NMRAL1: variants seen among roughly 807,000 people sequenced by gnomAD.
The protein encoded by NMRAL1 is nmrA-like family domain-containing protein 1.
In NMRAL1, 32 loss-of-function variants were observed where a neutral mutation model predicts 27.5. That is an observed-to-expected ratio of 1.16 (90% CI 0.88 to 1.56). NMRAL1 has a LOEUF of 1.56. Ranked by LOEUF, NMRAL1 falls within the 40% of genes most tolerant of loss-of-function variation. The pLI, the probability that NMRAL1 is intolerant of heterozygous loss-of-function variation, is 0.00. For missense variants in NMRAL1, 420 were observed against 392.0 expected, an observed-to-expected ratio of 1.07 and a Z score of -0.60; for synonymous variants, 166 against 166.8, an observed-to-expected ratio of 1.00 and a Z score of 0.04.
chr16:4,471,777 A>G (rs1329032360), intron 2 of NMRAL1, among the ~76,000 whole-genome samples: 2 of 152,036 alleles, frequency 1.3e-5, no homozygotes, highest in African/African-American at 2.4e-5. Context: ...AAATGCATCA[A>G]AAATAAGGAC....
chr16:4,467,836 T>G (rs1375296248), intron 3 of NMRAL1, among the ~76,000 whole-genome samples: 3 of 151,594 alleles, frequency 2.0e-5, no homozygotes. Flanking sequence ...GCCAGGATGG[T>G]CTCAAACTCC....
chr16:4,470,279 G>T (rs897284070), intron 2 of NMRAL1, among the ~76,000 whole-genome samples: 1 of 148,700 alleles, frequency 6.7e-6, no homozygotes, highest in Non-Finnish European at 1.5e-5. Flanking sequence ...AGAACAGCCC[G>T]ACCAACATGG....
chr16:4,464,095 G>C, intron 4 of NMRAL1: 1 of 531,578 alleles, frequency 1.9e-6, no homozygotes. Context: ...CTCTGAGCCT[G>C]GGTTGCTGCA....
chr16:4,464,912 G>A (rs368935986), intron 4 of NMRAL1, among the ~76,000 whole-genome samples: 3 of 146,564 alleles, frequency 2.0e-5, no homozygotes, highest in East Asian at 2.0e-4. Flanking sequence ...CACCGTGCCC[G>A]GCCTTTTTTT....
chr16:4,475,503 G>A (rs532329643), upstream of NMRAL1, among the ~76,000 whole-genome samples: 19 of 151,570 alleles, frequency 1.3e-4, 1 homozygote, highest in African/African-American at 4.6e-4. Flanking sequence ...GTAGAGACGG[G>A]GTTTCAACAT....
chr16:4,467,411 T>A (rs998999119), intron 3 of NMRAL1, among the ~76,000 whole-genome samples: 3 of 151,272 alleles, frequency 2.0e-5, no homozygotes, highest in Admixed American at 2.0e-4. Flanking sequence ...TTTTTGTATT[T>A]TTTGTAGAGA....
At chr16:4,464,967 C>G (rs1183602041) in intron 4 of NMRAL1, among the ~76,000 whole-genome samples, 6 of 148,190 alleles carry the variant, frequency 4.0e-5, no homozygotes, top group Non-Finnish European at 7.4e-5. Flanking sequence ...GAGTGCAGTG[C>G]CACGATCTCG....
chr16:4,471,112 A>G (rs1311051446), intron 2 of NMRAL1, among the ~76,000 whole-genome samples: 2 of 152,106 alleles, frequency 1.3e-5, no homozygotes, highest in African/African-American at 4.8e-5. Context: ...GTCTCAAAAC[A>G]AAAGAAAAAA....
intron 4 of NMRAL1, chr16:4,464,203 G>A: frequency 3.1e-6 from 1 of 324,988 alleles, no homozygotes; most frequent in Non-Finnish European, 5.6e-6. Context: ...AGCTGCTACA[G>A]AGAGTGTGGC....
At chr16:4,470,228 G>C (rs1411413671) in intron 2 of NMRAL1, among the ~76,000 whole-genome samples, 1 of 147,562 alleles carries the variant, frequency 6.8e-6, no homozygotes, top group Non-Finnish European at 1.5e-5. Context: ...CTAGCACTTT[G>C]AGAGGCCGAG....
At chr16:4,474,206 G>A (rs1173571995) in intron 1 of NMRAL1, 40 bp from the exon 2 acceptor site, 3 of 1,500,564 alleles carry the variant, frequency 2.0e-6, no homozygotes, top group Non-Finnish European at 2.8e-6. Context: ...GGTGGGGCCG[G>A]GGTTCCCGCC....
intron 5 of NMRAL1, 76 bp from the exon 6 acceptor site, chr16:4,462,035 G>A (rs1479551543): frequency 3.1e-6 from 4 of 1,298,112 alleles, no homozygotes; most frequent in African/African-American, 1.5e-5. Context: ...GGCCGGATGG[G>A]CTGGGGTCTC....
chr16:4,467,811 G>A (rs932552631), intron 3 of NMRAL1, among the ~76,000 whole-genome samples: 1 of 151,424 alleles, frequency 6.6e-6, no homozygotes, highest in South Asian at 2.1e-4. Flanking sequence ...GTAGAGACAG[G>A]GTTTCACTGT....
At chr16:4,473,924 C>CAA (rs577228475) in intron 2 of NMRAL1, among the ~76,000 whole-genome samples, 169 bp downstream of exon 2, 1 of 141,468 alleles carries the variant, frequency 7.1e-6, no homozygotes, top group African/African-American at 2.6e-5. Flanking sequence ...AAACTCCGTC[C>CAA]AAAAAAAAAA....
chr16:4,475,301 T>C (rs2141482255), upstream of NMRAL1, among the ~76,000 whole-genome samples: 1 of 150,632 alleles, frequency 6.6e-6, no homozygotes. Context: ...TCAGTTTTTT[T>C]TTGTTTTTGT....
chr16:4,466,491 CA>C, intron 3 of NMRAL1, 89 bp from the exon 4 acceptor site: 1 of 1,394,904 alleles, frequency 7.2e-7, no homozygotes, highest in South Asian at 1.3e-5. Context: ...CCGGAGCGGC[CA>C]CCATCTGCGA....
At chr16:4,471,570 G>A (rs1257737989) in intron 2 of NMRAL1, 3 of 135,772 alleles carry the variant, frequency 2.2e-5, no homozygotes, top group African/African-American at 8.4e-5. Flanking sequence ...AGTGAGCCGT[G>A]ATCACACCAC....
chr16:4,470,240 G>T (rs1000293974), intron 2 of NMRAL1, among the ~76,000 whole-genome samples: 9 of 150,944 alleles, frequency 6.0e-5, no homozygotes, highest in South Asian at 2.1e-4. Context: ...GAGGCCGAGG[G>T]GGGTAGATCA....
At chr16:4,475,450 G>A (rs1267017603), upstream of NMRAL1, among the ~76,000 whole-genome samples, 1 of 151,128 alleles carries the variant, frequency 6.6e-6, no homozygotes, top group Non-Finnish European at 1.5e-5. Context: ...TGGGATTACA[G>A]GCAGGAGCCA....
Sources: gnomAD v4.1 joint callset for allele counts (sites outside exome capture counted in the v4.1 genomes callset) on GRCh38, gnomAD v4.1.1 for gene constraint, MANE v1.5 for transcripts, NCBI Gene and HGNC (gene_info 2026-07-23, HGNC 2026-07-21) for gene names.